The following STXBP2 variants were observed in gnomAD, a reference collection of about 807,000 sequenced individuals.
The protein encoded by STXBP2 is syntaxin binding protein 2.
A neutral mutation model predicts 72.2 loss-of-function variants in STXBP2; 47 were observed. The observed-to-expected ratio is 0.65, with a 90% CI of 0.51 to 0.83. The LOEUF (loss-of-function observed/expected upper bound fraction) is 0.83. Among genes scored for constraint, STXBP2 ranks in the 40% least tolerant of loss-of-function variants. The pLI is 0.00. For synonymous variants in STXBP2, 367 were observed against 338.7 expected, an observed-to-expected ratio of 1.08 and a Z score of -0.92; for missense variants, 702 against 807.6, an observed-to-expected ratio of 0.87 and a Z score of 1.58.
chr19:7,636,971 C>T (rs183762216), upstream of STXBP2: 1,649 of 594,866 alleles, frequency 2.8e-3, 18 homozygotes, highest in African/African-American at 0.028. Context: ...CGCACCTGCC[C>T]GTCCTCCCCG....
intron 1 of STXBP2, among the ~76,000 whole-genome samples, chr19:7,638,367 C>T (rs538461701): frequency 5.3e-5 from 8 of 152,158 alleles, no homozygotes; most frequent in African/African-American, 9.6e-5. Flanking sequence ...TTTGGGAGGC[C>T]GAGGCAGGAG....
At chr19:7,639,660 C>G in intron 3 of STXBP2, 71 bp from the exon 4 acceptor site, 2 of 1,472,110 alleles carry the variant, frequency 1.4e-6, no homozygotes, top group African/African-American at 2.8e-5. Flanking sequence ...TCCAACCCCC[C>G]ACACCTGAGA....
chr19:7,631,737 G>C, the STXBP2 span: 1 of 1,447,818 alleles, frequency 6.9e-7, no homozygotes, highest in Non-Finnish European at 9.1e-7. Context: ...GACGGAAGCC[G>C]AGAGCGGTCG....
At chr19:7,632,681 C>T (rs780028440), upstream of STXBP2, 17 of 1,548,464 alleles carry the variant, frequency 1.1e-5, no homozygotes, top group East Asian at 4.8e-5. The surrounding 1 kb of genome is among the most constrained non-coding windows in gnomAD (Gnocchi z 5.2). Flanking sequence ...ACCCCGTTCA[C>T]GCCCCATGGA....
intron 15 of STXBP2, 132 bp downstream of exon 15, chr19:7,645,438 A>C: frequency 1.1e-6 from 1 of 875,014 alleles, no homozygotes; most frequent in Non-Finnish European, 1.8e-6. Flanking sequence ...GGGAGGCCAA[A>C]AGCAGTGTTT....
At chr19:7,640,237 T>G (rs2031776192) in intron 4 of STXBP2, 2 of 548,798 alleles carry the variant, frequency 3.6e-6, no homozygotes, top group Non-Finnish European at 7.0e-6. Context: ...TGTGCGTCTG[T>G]GTGTATCTGT....
rs560026431 is a variant in STXBP2, at chr19:7,647,258, G to C, written c.1538+11G>C. The stretch of plus-strand genomic sequence containing the variant: ...CCAGGCCGCTGTCAGGTGAGGCCCC[G>C]GGGCCGCCCCCGCCCACGCCTGGGT... On this transcript the variant is annotated intron_variant, in intron 17 of 18. Coordinates refer to ENST00000221283, the MANE Select transcript of STXBP2 (RefSeq NM_006949.4). 9.3e-6 allele frequency: 15 copies of C among 1,610,256 alleles called. No individual in the cohort carries two copies. Among genetic ancestry groups the C allele is most frequent in the African/African-American group, 1.3e-5 (1 of 74,864 alleles).
the STXBP2 span, chr19:7,631,399 CGGGGGGGGGT>C: frequency 1.7e-6 from 1 of 583,180 alleles, no homozygotes; most frequent in East Asian, 5.1e-5. Flanking sequence ...GAGAGGTGGG[CGGGGGGGGGT>C]GGTCCCGGCT....
upstream of STXBP2, chr19:7,633,300 G>A: frequency 8.7e-7 from 1 of 1,144,402 alleles, no homozygotes; most frequent in Non-Finnish European, 1.3e-6. Context: ...TGGGTCAGGG[G>A]GTCCTAGGAG....
intron 1 of STXBP2, 101 bp from the exon 2 acceptor site, chr19:7,638,625 T>C: frequency 2.5e-6 from 3 of 1,214,908 alleles, no homozygotes; most frequent in Non-Finnish European, 3.5e-6. Context: ...AAAAAGTAAA[T>C]GGGAATTAAG....
In STXBP2 at chr19:7,642,973, A is replaced by G. The variant is rs2031956405; in HGVS notation, c.961-10A>G. ...CCCCAATCCCTACCCTCTTCCCCCTACTTCCCCAGGCGAACATCAAAGACC... is the reference window on the plus strand; with the variant it reads ...CCCCAATCCCTACCCTCTTCCCCCTGCTTCCCCAGGCGAACATCAAAGACC... On this transcript the variant is annotated splice_polypyrimidine_tract_variant and intron_variant, in intron 11 of 18. Transcript: ENST00000221283. The surrounding 1 kb of genome is among the most constrained non-coding windows in gnomAD (Gnocchi z 6.0). 3 of 1,613,716 alleles carry G rather than the reference A, an allele frequency of 1.9e-6. No individual in the cohort carries two copies. Among genetic ancestry groups the G allele is most frequent in the South Asian group, 1.1e-5 (1 of 91,052 alleles).
At chr19:7,646,828 C>T (rs1457493103) in intron 16 of STXBP2, 6 of 462,676 alleles carry the variant, frequency 1.3e-5, no homozygotes, top group Admixed American at 1.1e-4. Context: ...AGAGCCCAGA[C>T]ACTGGGTTCC....
chr19:7,645,314 AG>A lies in STXBP2; in HGVS notation c.1356+10del. 1 of 1,573,506 alleles carries A rather than the reference AG, an allele frequency of 6.4e-7. No homozygotes were observed. Among genetic ancestry groups the A allele is most frequent in the Non-Finnish European group, 8.6e-7 (1 of 1,158,298 alleles). The stretch of plus-strand genomic sequence containing the variant: ...ACTGTCACCAACCCCGGGGTACGCC[AG>A]GAGCGGGCATGGGGGGACCCTGGGA... On this transcript the variant is annotated intron_variant, in intron 15 of 18. Transcript: ENST00000221283.
chr19:7,638,561 C>T (rs1415417885), intron 1 of STXBP2, among the ~76,000 whole-genome samples, 165 bp from the exon 2 acceptor site: 1 of 151,812 alleles, frequency 6.6e-6, no homozygotes, highest in Non-Finnish European at 1.5e-5. Flanking sequence ...ATGATCACAC[C>T]ACTGCACTTT....
the STXBP2 span, chr19:7,631,299 G>A: frequency 7.1e-7 from 1 of 1,414,418 alleles, no homozygotes; most frequent in South Asian, 1.6e-5. Context: ...GAAGAGTGAA[G>A]CGGATCCCAC....
At chr19:7,632,970 C>T, upstream of STXBP2, 1 of 1,464,886 alleles carries the variant, frequency 6.8e-7, no homozygotes, top group Non-Finnish European at 9.0e-7. The surrounding 1 kb of genome is among the most constrained non-coding windows in gnomAD (Gnocchi z 5.2). Context: ...CCCGCCGATC[C>T]TCTCTGCAGA....
intron 4 of STXBP2, chr19:7,640,035 CGTCTGTGTGT>C: frequency 1.6e-6 from 1 of 635,420 alleles, no homozygotes; most frequent in Non-Finnish European, 2.9e-6. Context: ...CATGTGTGTG[CGTCTGTGTGT>C]GCATTTGTGT....
In STXBP2 at chr19:7,647,833, C is replaced by T. The variant is rs759837188; in HGVS notation, c.*23C>T. Reference sequence around the variant, plus strand: ...TGACCCCTGGCCCCGCCCCCTACCCCTCCCTTTCCAGAGAAATAAACTCTT... The same window carrying T: ...TGACCCCTGGCCCCGCCCCCTACCCTTCCCTTTCCAGAGAAATAAACTCTT... On this transcript the variant is annotated 3_prime_UTR_variant, in exon 19 of 19. Transcript: ENST00000221283. 9.4e-6 allele frequency: 15 copies of T among 1,591,810 alleles called. No homozygotes were observed. In the African/African-American group the frequency reaches 1.5e-4, roughly 16 times the overall value.
chr19:7,644,904 C>T, intron 14 of STXBP2, 152 bp downstream of exon 14: 1 of 1,480,356 alleles, frequency 6.8e-7, no homozygotes, highest in South Asian at 1.3e-5. Flanking sequence ...CGGGAACCCT[C>T]CTCCATTGGC....
Sources: gnomAD v4.1 joint callset for allele counts (sites outside exome capture counted in the v4.1 genomes callset) on GRCh38, gnomAD v4.1.1 for gene constraint, Gnocchi (gnomAD v3.1) non-coding constraint, MANE v1.5 for transcripts, NCBI Gene and HGNC (gene_info 2026-07-23, HGNC 2026-07-21) for gene names.